SLC1A7: variants seen among roughly 807,000 people sequenced by gnomAD.
The protein encoded by SLC1A7 is excitatory amino acid transporter 5.
Under a neutral mutation model 47.7 loss-of-function variants are expected in SLC1A7, and 40 were observed. That is an observed-to-expected ratio of 0.84 (90% CI 0.65 to 1.09). The LOEUF (loss-of-function observed/expected upper bound fraction) is 1.09. SLC1A7 is among the 50% of genes least tolerant of loss of function. SLC1A7 has a pLI of 0.00. For missense variants in SLC1A7, 746 were observed against 769.5 expected, an observed-to-expected ratio of 0.97 and a Z score of 0.36; for synonymous variants, 323 against 325.6, an observed-to-expected ratio of 0.99 and a Z score of 0.09.
At chr1:53,134,530 G>C in intron 1 of SLC1A7, 101 bp from the exon 2 acceptor site, 1 of 692,384 alleles carries the variant, frequency 1.4e-6, no homozygotes, top group Non-Finnish European at 2.5e-6. Flanking sequence ...TGACTCCCCT[G>C]TCTAGCACAT....
At chr1:53,108,294 C>T (rs184416112) in intron 3 of SLC1A7, 75 of 393,584 alleles carry the variant, frequency 1.9e-4, no homozygotes, top group Non-Finnish European at 3.0e-4. Flanking sequence ...TTTACACACA[C>T]GGAGAACATT....
intron 2 of SLC1A7, among the ~76,000 whole-genome samples, chr1:53,133,589 A>G (rs1358763583): frequency 6.6e-6 from 1 of 152,114 alleles, no homozygotes; most frequent in Non-Finnish European, 1.5e-5. Flanking sequence ...GCTCTTAGAC[A>G]CCACCTGGAG....
rs141049933 is a variant in SLC1A7 at position 53,120,146 on chromosome 1, G to T, written c.216-5173C>A. On this transcript the variant is annotated intron_variant, in intron 2 of 10. Coordinates refer to ENST00000371494, the MANE Select transcript of SLC1A7 (RefSeq NM_006671.6). ...TGGTAATTGCTCCACTTGCAGGGGTGGGGGAAGGGAGGCAAAGACTGCCAG... is the reference window on the plus strand; with the variant it reads ...TGGTAATTGCTCCACTTGCAGGGGTTGGGGAAGGGAGGCAAAGACTGCCAG... 3.1e-3 allele frequency among the ~76,000 whole-genome samples: 474 copies of T among 152,286 alleles called. 3 individuals carry two copies. Among genetic ancestry groups the T allele is most frequent in the East Asian group, 0.02 (105 of 5,174 alleles).
At chr1:53,141,994 T>C (rs2404211) in intron 1 of SLC1A7, among the ~76,000 whole-genome samples, 62,386 of 151,896 alleles carry the variant, frequency 0.41, 13,821 homozygotes, top group African/African-American at 0.58. Flanking sequence ...TGGTGCCTGT[T>C]TGAACTCACA....
rs756858064 is a variant in SLC1A7 at position 53,092,619 on chromosome 1, C to A, written c.966G>T (p.Lys322Asn). Reference protein sequence around the residue: ...LPLLYFFITKKNPIVFIRGIL... With the variant: ...LPLLYFFITKNNPIVFIRGIL... ...TGCCACGGATGAAGACGATGGGATT[C>A]TTCTTGGTGATGAAGAAGTAGAGCA... is the stretch of plus-strand genomic sequence containing the variant. The change falls in exon 7 of 11, where the codon AAG (lysine) becomes AAT (asparagine). Residue 322 changes from lysine to asparagine, a missense_variant. Transcript: ENST00000371494. 1 of 1,614,174 alleles carries A rather than the reference C, an allele frequency of 6.2e-7. No individual in the cohort carries two copies. Among genetic ancestry groups the A allele is most frequent in the South Asian group, 1.1e-5 (1 of 91,080 alleles).
chr1:53,113,855 C>T (rs1436302544), intron 3 of SLC1A7, among the ~76,000 whole-genome samples: 1 of 152,164 alleles, frequency 6.6e-6, no homozygotes, highest in Non-Finnish European at 1.5e-5. Flanking sequence ...ACTGATGGTG[C>T]TATGCCTTCT....
chr1:53,122,491 CT>C (rs901808743), intron 2 of SLC1A7, among the ~76,000 whole-genome samples: 2 of 152,202 alleles, frequency 1.3e-5, no homozygotes, highest in African/African-American at 4.8e-5. Flanking sequence ...GCTTACTCTT[CT>C]TTTCCCCTGA....
intron 3 of SLC1A7, among the ~76,000 whole-genome samples, chr1:53,113,282 C>A (rs1644719287): frequency 6.6e-6 from 1 of 152,100 alleles, no homozygotes; most frequent in Non-Finnish European, 1.5e-5. Flanking sequence ...GCTCTCTCAC[C>A]ACCTGTCCTG....
In SLC1A7 at chr1:53,130,746, C is replaced by A. The variant is rs556380279; in HGVS notation, c.215+3604G>T. Among the ~76,000 whole-genome samples, 6 of 152,244 alleles carry A rather than the reference C, an allele frequency of 3.9e-5. No individual in the cohort carries two copies. In the South Asian group the frequency reaches 1.2e-3, roughly 32 times the overall value. ...CTAGCTCAGTCAGCTCAGGGTCAGG[C>A]CTGACATCTGAATTTTTCAAAGCAG... On this transcript the variant is annotated intron_variant, in intron 2 of 10. Coordinates refer to ENST00000371494, the MANE Select transcript of SLC1A7 (RefSeq NM_006671.6).
intron 2 of SLC1A7, among the ~76,000 whole-genome samples, chr1:53,132,163 G>A (rs982756969): frequency 6.6e-6 from 1 of 152,150 alleles, no homozygotes; most frequent in African/African-American, 2.4e-5. Flanking sequence ...CCAGGTTAAT[G>A]GTCTGCAGGT....
intron 2 of SLC1A7, among the ~76,000 whole-genome samples, chr1:53,129,524 G>C (rs1644918580): frequency 2.1e-5 from 2 of 96,396 alleles, no homozygotes; most frequent in African/African-American, 7.6e-5. Flanking sequence ...ACACATGTCT[G>C]AGGAGGGACT....
At position 53,092,754 on chromosome 1, in the gene SLC1A7, C is replaced by T. The variant is rs768010268; in HGVS notation, c.831G>A (p.Ala277=). ...GGTCGTCCATCTCCAGGATCTTACC[C>T]GCAATGAGGAACACAATGCCGAAGG... is the stretch of plus-strand genomic sequence containing the variant. ...YFPFGIVFLI[A]GKILEMDDPR... Residue 277 remains alanine (A), a synonymous_variant, in exon 7 of 11, where the codon GCG becomes GCA. Coordinates refer to ENST00000371494, the MANE Select transcript of SLC1A7 (RefSeq NM_006671.6). The T allele has an allele frequency of 5.6e-6, 9 of 1,613,708 alleles. No individual in the cohort carries two copies. Among genetic ancestry groups the T allele is most frequent in the Admixed American group, 3.3e-5 (2 of 60,008 alleles).
chr1:53,142,593 C>G lies in SLC1A7; in HGVS notation c.-144G>C. The G allele has an allele frequency of 1.1e-6, 1 of 881,242 alleles. No homozygotes were observed. The highest frequency in any genetic ancestry group is 1.7e-6 in the Non-Finnish European group (1 of 599,084). The allele number at this position is 881,242 out of a possible 1,614,324, so 54.6% of individuals were successfully genotyped here. On this transcript the variant is annotated 5_prime_UTR_variant, in exon 1 of 11. Transcript: ENST00000371494. Reference sequence around the variant, plus strand: ...TAAACACCAGTCGCCAGCCCCACGGCCATGCCCGTGTGGCCGCCTTAGAGG... The same window carrying G: ...TAAACACCAGTCGCCAGCCCCACGGGCATGCCCGTGTGGCCGCCTTAGAGG...
At chr1:53,114,663 C>G (rs1050304052) in intron 3 of SLC1A7, 95 bp downstream of exon 3, 1 of 1,035,022 alleles carries the variant, frequency 9.7e-7, no homozygotes, top group East Asian at 2.5e-5. Flanking sequence ...TCCGTGATCA[C>G]CCCCATCTCC....
At chr1:53,105,853 T>C (rs943591812) in intron 3 of SLC1A7, 79 bp from the exon 4 acceptor site, 4 of 1,163,692 alleles carry the variant, frequency 3.4e-6, no homozygotes, top group Non-Finnish European at 5.2e-6. Flanking sequence ...TGGGGTCATC[T>C]GGACATCTCC....
chr1:53,094,463 C>G (rs1337613762), intron 5 of SLC1A7, among the ~76,000 whole-genome samples: 1 of 152,212 alleles, frequency 6.6e-6, no homozygotes, highest in Non-Finnish European at 1.5e-5. Flanking sequence ...CTCATGAGGC[C>G]CACTGTCATG....
chr1:53,088,861 A>ATCTCACTGC lies in SLC1A7; in HGVS notation c.1464+7_1464+15dup. The ATCTCACTGC allele has an allele frequency of 6.2e-7, 1 of 1,607,696 alleles. No homozygotes were observed. The highest frequency in any genetic ancestry group is 8.5e-7 in the Non-Finnish European group (1 of 1,174,508). ...GCTCCACCCTCCTGGCAGCCTCTGGATCTCACTGCTCTCACCTCGGTGCCT... is the reference window on the plus strand; with the variant it reads ...GCTCCACCCTCCTGGCAGCCTCTGGATCTCACTGCTCTCACTGCTCTCACCTCGGTGCCT... On this transcript the variant is annotated intron_variant, in intron 10 of 10. Transcript: ENST00000371494.
intron 2 of SLC1A7, among the ~76,000 whole-genome samples, chr1:53,122,807 G>A (rs1439357094): frequency 2.0e-5 from 3 of 152,156 alleles, no homozygotes; most frequent in Non-Finnish European, 2.9e-5. Context: ...CCTTCCTGGT[G>A]TCACAATGAA....
At chr1:53,107,242 G>C (rs933198177) in intron 3 of SLC1A7, among the ~76,000 whole-genome samples, 1 of 150,454 alleles carries the variant, frequency 6.6e-6, no homozygotes, top group Admixed American at 6.6e-5. Context: ...TCTCAGTATA[G>C]GAAATGACTC....
Sources: gnomAD v4.1 joint callset for allele counts (sites outside exome capture counted in the v4.1 genomes callset) on GRCh38, gnomAD v4.1.1 for gene constraint, MANE v1.5 for transcripts, NCBI Gene and HGNC (gene_info 2026-07-23, HGNC 2026-07-21) for gene names.